Variants in ST6GALNAC5 observed in about 807,000 individuals in gnomAD.
ST6GALNAC5 encodes the protein ST6 N-acetylgalactosaminide alpha-2,6-sialyltransferase 5.
A neutral mutation model predicts 33.6 loss-of-function variants in ST6GALNAC5; 27 were observed. The ratio of observed to expected loss-of-function variants is 0.80; its 90% CI spans 0.59 to 1.11. The LOEUF (loss-of-function observed/expected upper bound fraction) is 1.11, where lower values mean the gene tolerates loss of function less well. ST6GALNAC5 is among the 50% of genes least tolerant of loss of function. The probability of loss-of-function intolerance (pLI) is 0.00; values close to 1 mark genes in which losing one functional copy is unlikely to be tolerated. For missense variants in ST6GALNAC5, 428 were observed against 454.0 expected, an observed-to-expected ratio of 0.94 and a Z score of 0.52; for synonymous variants, 194 against 171.2, an observed-to-expected ratio of 1.13 and a Z score of -1.04.
intron 2 of ST6GALNAC5, among the ~76,000 whole-genome samples, chr1:76,957,362 G>C (rs936973967): frequency 3.3e-5 from 5 of 152,088 alleles, no homozygotes; most frequent in African/African-American, 1.2e-4. Flanking sequence ...GGGTCTCTCT[G>C]TCCCTCCTCT....
In ST6GALNAC5 at chr1:77,050,798, C is replaced by G. The variant is rs115927141; in HGVS notation, c.779+433C>G. The stretch of plus-strand genomic sequence containing the variant: ...TTCTCTGAGCCTCCTTCCCTTGCCA[C>G]ATCAGTGGCCTGGGCTTGCACTTCT... On this transcript the variant is annotated intron_variant, in intron 4 of 4. Transcript: ENST00000477717. Among the ~76,000 whole-genome samples the G allele has an allele frequency of 8.1e-3, 1,241 of 152,360 alleles. 21 individuals are homozygous for G. Among genetic ancestry groups the G allele is most frequent in the African/African-American group, 0.029 (1,194 of 41,570 alleles).
At chr1:76,958,619 T>C (rs1460872093) in intron 2 of ST6GALNAC5, among the ~76,000 whole-genome samples, 2 of 152,142 alleles carry the variant, frequency 1.3e-5, no homozygotes, top group Admixed American at 6.5e-5. Context: ...GTTGTTTTTT[T>C]GTTTTTTAAT....
At chr1:77,000,342 A>G (rs78404436) in intron 2 of ST6GALNAC5, among the ~76,000 whole-genome samples, 3 of 126,444 alleles carry the variant, frequency 2.4e-5, no homozygotes, top group East Asian at 5.2e-4. Context: ...GGGGTTGTTT[A>G]TTTTTTTCTT....
chr1:76,995,983 T>C lies in ST6GALNAC5; in HGVS notation c.262-48221T>C, dbSNP rs12097690. Among the ~76,000 whole-genome samples the C allele has an allele frequency of 6.8e-3, 1,031 of 152,332 alleles. 12 individuals are homozygous for C. The highest frequency in any genetic ancestry group is 0.02 in the Middle Eastern group (6 of 294). ...ACATTACTACCTTTGGAAGTTCTCT[T>C]AGTAACTGTGGCTCAATCATGTTGC... On this transcript the variant is annotated intron_variant, in intron 2 of 4. Transcript: ENST00000477717.
intron 2 of ST6GALNAC5, among the ~76,000 whole-genome samples, chr1:76,908,094 C>T (rs1646880662): frequency 6.6e-6 from 1 of 151,988 alleles, no homozygotes; most frequent in Non-Finnish European, 1.5e-5. Flanking sequence ...TTCCTTATCC[C>T]ACCTATGGCT....
chr1:76,879,215 C>T (rs1653721535), intron 2 of ST6GALNAC5, among the ~76,000 whole-genome samples: 1 of 152,160 alleles, frequency 6.6e-6, no homozygotes, highest in Non-Finnish European at 1.5e-5. Context: ...CTTTGGGTCC[C>T]TTCCTCTACA....
In ST6GALNAC5 at chr1:76,868,584, C is replaced by G; in HGVS notation, c.103C>G (p.Arg35Gly). 6.2e-7 allele frequency: 1 copy of G among 1,612,140 alleles called. No homozygotes were observed. The change falls in exon 2 of 5, where the codon CGG becomes GGG. Residue 35 changes from arginine to glycine, a missense_variant. Coordinates refer to ENST00000477717, the MANE Select transcript of ST6GALNAC5 (RefSeq NM_030965.3). This position sits in a 1 kb window ranked among gnomAD's most constrained non-coding sequence, Gnocchi z 4.3. ...VYSSLGGQKE[R>G]PPQQQQQQQQ... ...CAGCAGCCTCGGCGGCCAGAAGGAG[C>G]GGCCCCCGCAGCAGCAGCAGCAGCA...
At chr1:76,872,363 C>A (rs950339033) in intron 2 of ST6GALNAC5, among the ~76,000 whole-genome samples, 1 of 152,192 alleles carries the variant, frequency 6.6e-6, no homozygotes, top group East Asian at 1.9e-4. Flanking sequence ...TATGAAAGGG[C>A]GGTGATCAAT....
intron 2 of ST6GALNAC5, among the ~76,000 whole-genome samples, chr1:76,983,889 A>G (rs1403214487): frequency 6.6e-6 from 1 of 152,252 alleles, no homozygotes; most frequent in Non-Finnish European, 1.5e-5. Flanking sequence ...ATGGAAACTG[A>G]ACAACCTGCT....
chr1:77,055,018 G>C (rs889774561), intron 4 of ST6GALNAC5, among the ~76,000 whole-genome samples: 1 of 151,918 alleles, frequency 6.6e-6, no homozygotes, highest in South Asian at 2.1e-4. Flanking sequence ...TCTTTCATTT[G>C]GTACTGTGAT....
In ST6GALNAC5 at chr1:77,065,741, C is replaced by T. The variant is rs1029710353; in HGVS notation, c.*2535C>T. On this transcript the variant is annotated 3_prime_UTR_variant, in exon 5 of 5. Coordinates refer to ENST00000477717, the MANE Select transcript of ST6GALNAC5 (RefSeq NM_030965.3). Reference sequence around the variant, plus strand: ...ACTACAGAACCATGTTTATAGACCTCGGTGATTTCAGTATCTGATTGTGTT... The same window carrying T: ...ACTACAGAACCATGTTTATAGACCTTGGTGATTTCAGTATCTGATTGTGTT... 6.6e-6 allele frequency: 1 copy of T among 152,172 alleles called. No individual in the cohort carries two copies. 9.4% of individuals were successfully genotyped at this position (152,172 alleles called of 1,614,324 possible). A position where few individuals can be genotyped will look rare whatever the true frequency, so the allele number is the denominator to read the frequency against.
At chr1:77,053,619 C>G (rs1024382460) in intron 4 of ST6GALNAC5, among the ~76,000 whole-genome samples, 5 of 152,120 alleles carry the variant, frequency 3.3e-5, no homozygotes, top group African/African-American at 1.2e-4. Context: ...ACCTAATGCT[C>G]CATCTCAGAA....
intron 2 of ST6GALNAC5, among the ~76,000 whole-genome samples, chr1:77,027,366 T>C (rs1458604004): frequency 1.3e-5 from 2 of 152,140 alleles, no homozygotes; most frequent in African/African-American, 4.8e-5. Context: ...AAGTGCGAGC[T>C]TAAGAGGGGT....
intron 4 of ST6GALNAC5, among the ~76,000 whole-genome samples, chr1:77,060,919 C>T (rs1652555312): frequency 6.6e-6 from 1 of 152,124 alleles, no homozygotes; most frequent in African/African-American, 2.4e-5. Context: ...CCCAAGCATA[C>T]CATGGCAACA....
At chr1:77,037,375 A>G (rs1046886020) in intron 2 of ST6GALNAC5, among the ~76,000 whole-genome samples, 1 of 152,172 alleles carries the variant, frequency 6.6e-6, no homozygotes, top group Non-Finnish European at 1.5e-5. Flanking sequence ...TACAGATGGC[A>G]AAATAGACAC....
chr1:76,956,059 G>A (rs1647949898), intron 2 of ST6GALNAC5, among the ~76,000 whole-genome samples: 1 of 152,100 alleles, frequency 6.6e-6, no homozygotes, highest in Non-Finnish European at 1.5e-5. Context: ...AATTGGTACT[G>A]CCTTATTGTA....
intron 2 of ST6GALNAC5, among the ~76,000 whole-genome samples, chr1:76,918,300 T>C (rs1048044490): frequency 6.6e-6 from 1 of 151,904 alleles, no homozygotes; most frequent in Non-Finnish European, 1.5e-5. Flanking sequence ...TACCACAACA[T>C]CAGTAATGGA....
chr1:77,035,173 G>C (rs1046332181), intron 2 of ST6GALNAC5, among the ~76,000 whole-genome samples: 1 of 152,160 alleles, frequency 6.6e-6, no homozygotes, highest in Non-Finnish European at 1.5e-5. Context: ...TGTTGTTGCT[G>C]CTGGCCTGGG....
intron 2 of ST6GALNAC5, among the ~76,000 whole-genome samples, chr1:77,011,085 T>C (rs779858842): frequency 6.9e-5 from 8 of 115,308 alleles, no homozygotes; most frequent in Non-Finnish European, 1.2e-4. Flanking sequence ...TGGCAGACTC[T>C]GGCAAGTAGA....
Sources: gnomAD v4.1 joint callset for allele counts (sites outside exome capture counted in the v4.1 genomes callset) on GRCh38, gnomAD v4.1.1 for gene constraint, Gnocchi (gnomAD v3.1) non-coding constraint, MANE v1.5 for transcripts, NCBI Gene and HGNC (gene_info 2026-07-23, HGNC 2026-07-21) for gene names.